GPAA1: variants seen among roughly 807,000 people sequenced by gnomAD.
GPAA1 encodes glycosylphosphatidylinositol anchor attachment 1.
Under a neutral mutation model 64.0 loss-of-function variants are expected in GPAA1, and 54 were observed. The ratio of observed to expected loss-of-function variants is 0.84; its 90% CI spans 0.68 to 1.06. The LOEUF (loss-of-function observed/expected upper bound fraction) is 1.06. Among genes scored for constraint, GPAA1 ranks in the 50% least tolerant of loss-of-function variants. The pLI, the probability that GPAA1 is intolerant of heterozygous loss-of-function variation, is 0.00. For missense variants in GPAA1, 780 were observed against 822.3 expected (o/e 0.95, Z 0.63); for synonymous variants, 393 against 377.3 (o/e 1.04, Z -0.48).
intron 3 of GPAA1, 28 bp downstream of exon 3, chr8:144,083,528 C>T (rs782480282): frequency 9.0e-6 from 14 of 1,557,612 alleles, no homozygotes; most frequent in Non-Finnish European, 1.2e-5. Context: ...TGTGCCTGGG[C>T]CCAGAAAGCA....
rs564194070 is a variant in GPAA1, at chr8:144,085,970, C to T, written c.1711C>T (p.Pro571Ser). 114 of 1,606,856 alleles carry T rather than the reference C, an allele frequency of 7.1e-5. 1 individual carries two copies. In the South Asian group the frequency reaches 1.2e-3, roughly 17 times the overall value. ...LFLWRELQEA[P>S]LSLAEGWQLF... ...CCTGTGGCGGGAGCTGCAGGAGGCGCCACTGTCACTGGCCGAGGGCTGGCA... is the reference window on the plus strand; with the variant it reads ...CCTGTGGCGGGAGCTGCAGGAGGCGTCACTGTCACTGGCCGAGGGCTGGCA... The change falls in exon 12 of 12, where the codon CCA becomes TCA. Residue 571 changes from proline (P) to serine (S), a missense_variant. Pro to Ser is a moderately conservative substitution (Grantham distance 74). Coordinates refer to ENST00000355091, the MANE Select transcript of GPAA1 (RefSeq NM_003801.4).
intron 10 of GPAA1, 46 bp downstream of exon 10, chr8:144,085,525 G>A (rs782402057): frequency 1.2e-6 from 2 of 1,605,798 alleles, no homozygotes; most frequent in Middle Eastern, 1.7e-4. Flanking sequence ...GAGGTCCCCT[G>A]GACATGCAGA....
chr8:144,083,808 C>T lies in GPAA1; in HGVS notation c.461C>T (p.Ser154Phe). 2 of 1,610,238 alleles carry T rather than the reference C, an allele frequency of 1.2e-6. No individual in the cohort carries two copies. Among genetic ancestry groups the T allele is most frequent in the Non-Finnish European group, 1.7e-6 (2 of 1,179,958 alleles). Residue 154 changes from serine to phenylalanine, a missense_variant, in exon 4 of 12, where the codon TCT (serine) becomes TTT (phenylalanine). Coordinates refer to ENST00000355091, the MANE Select transcript of GPAA1 (RefSeq NM_003801.4). The stretch of plus-strand genomic sequence containing the variant: ...CTCACCGTGCCCTGTGGCTCTGACT[C>T]TACCAACAGCCAGGCTGTGGGGCTG... Reference protein sequence around the residue: ...LVLTVPCGSDSTNSQAVGLLL... With the variant: ...LVLTVPCGSDFTNSQAVGLLL...
In GPAA1 at chr8:144,085,942, G is replaced by A. The variant is rs201447573; in HGVS notation, c.1683G>A (p.Leu561=). Residue 561 remains leucine, a synonymous_variant, in exon 12 of 12, where the codon CTG becomes CTA. Coordinates refer to ENST00000355091, the MANE Select transcript of GPAA1 (RefSeq NM_003801.4). The stretch of plus-strand genomic sequence containing the variant: ...CGGCAGCCACGCTCCTTGGCAGCCT[G>A]TTCCTGTGGCGGGAGCTGCAGGAGG... The part of the protein sequence containing the change: ...TSPAATLLGS[L]FLWRELQEAP... The A allele has an allele frequency of 1.2e-5, 20 of 1,610,204 alleles. No homozygotes were observed. In the South Asian group the frequency reaches 1.8e-4, roughly 14 times the overall value.
chr8:144,084,912 C>T, intron 8 of GPAA1, 37 bp downstream of exon 8: 1 of 1,608,812 alleles, frequency 6.2e-7, no homozygotes, highest in Non-Finnish European at 8.5e-7. Flanking sequence ...TGTGACCAGC[C>T]TCCAGTCTCC....
At position 144,085,945 on chromosome 8, in the gene GPAA1, C is replaced by G; in HGVS notation, c.1686C>G (p.Phe562Leu). The G allele has an allele frequency of 6.2e-7, 1 of 1,610,054 alleles. No homozygotes were observed. The highest frequency in any genetic ancestry group is 8.5e-7 in the Non-Finnish European group (1 of 1,179,924). The change falls in exon 12 of 12, where the codon TTC (phenylalanine) becomes TTG (leucine). Residue 562 changes from phenylalanine (F) to leucine (L), a missense_variant. Physicochemically the swap from Phe to Leu is conservative, Grantham distance 22. Transcript: ENST00000355091. ...CAGCCACGCTCCTTGGCAGCCTGTT[C>G]CTGTGGCGGGAGCTGCAGGAGGCGC... is the stretch of plus-strand genomic sequence containing the variant. ...SPAATLLGSLFLWRELQEAPL... is the reference protein window; with the variant it reads ...SPAATLLGSLLLWRELQEAPL...
intron 3 of GPAA1, 62 bp from the exon 4 acceptor site, chr8:144,083,652 G>A (rs1453287684): frequency 1.3e-6 from 2 of 1,520,990 alleles, no homozygotes; most frequent in Non-Finnish European, 9.0e-7. Context: ...AAGTTGTGGG[G>A]GGCCCTTCAG....
intron 4 of GPAA1, 33 bp from the exon 5 acceptor site, chr8:144,083,906 C>A (rs1554763931): frequency 1.2e-6 from 2 of 1,612,524 alleles, no homozygotes; most frequent in Non-Finnish European, 1.7e-6. Flanking sequence ...GGTCAGTGCC[C>A]CAGACCCTGC....
At position 144,083,488 on chromosome 8, in the gene GPAA1, C is replaced by T. The variant is rs1835942285; in HGVS notation, c.354C>T (p.Thr118=). 2 of 1,611,958 alleles carry T rather than the reference C, an allele frequency of 1.2e-6. No homozygotes were observed. The highest frequency in any genetic ancestry group is 1.7e-5 in the Admixed American group (1 of 60,034). The change falls in exon 3 of 12, where the codon ACC becomes ACT. Residue 118 remains threonine, a synonymous_variant. Transcript: ENST00000355091. ...GGAAACTGCCCTTCCCAGATGAGAC[C>T]CACGAGCGCTATGTACTGGGGGAGT... The part of the protein sequence containing the change: ...FSRKLPFPDE[T]HERYMVSGTN...
Position 144,084,323 on chromosome 8 carries a change from A to G in GPAA1, c.806A>G (p.Gln269Arg). 2 of 1,613,356 alleles carry G rather than the reference A, an allele frequency of 1.2e-6. No individual in the cohort carries two copies. Among genetic ancestry groups the G allele is most frequent in the African/African-American group, 2.7e-5 (2 of 75,044 alleles). The stretch of plus-strand genomic sequence containing the variant: ...AAAGGGGGCCTGTTGTGCACGCTTC[A>G]GGGCAAGGTGGGGCTGCCTGCCTGC... Reference protein sequence around the residue: ...CQKGGLLCTLQGKLQPEDWTS... With the variant: ...CQKGGLLCTLRGKLQPEDWTS... The change falls in exon 6 of 12, where the codon CAG becomes CGG. Residue 269 changes from glutamine to arginine, a missense_variant. By Grantham distance (43) the Gln-to-Arg change is conservative (BLOSUM62 1). Coordinates refer to ENST00000355091, the MANE Select transcript of GPAA1 (RefSeq NM_003801.4).
Position 144,085,101 on chromosome 8 carries a change from G to C in GPAA1, c.1223G>C (p.Gly408Ala). Residue 408 changes from glycine to alanine, a missense_variant, in exon 9 of 12, where the codon GGT becomes GCT. Physicochemically the swap from Gly to Ala is moderately conservative, Grantham distance 60 (BLOSUM62 0). Transcript: ENST00000355091. ...EAGMGLEEPG[G>A]APGPSVPLPP... ...GGAATGGGCCTTGAGGAGCCCGGGG[G>C]TGCCCCTGGCCCCAGTGTACCCCTT... is the stretch of plus-strand genomic sequence containing the variant. 7 of 1,607,344 alleles carry C rather than the reference G, an allele frequency of 4.4e-6. No individual in the cohort carries two copies. Among genetic ancestry groups the C allele is most frequent in the Non-Finnish European group, 6.0e-6 (7 of 1,176,092 alleles).
Position 144,083,120 on chromosome 8 carries a change from A to T in GPAA1, c.75-4A>T, listed in dbSNP as rs781982277. ...CTCCGGTGCCCCTCCGTCCTCTCTC[A>T]CAGCGTGCTGAGCTACGTGGCGGGC... On this transcript the variant is annotated splice_region_variant and splice_polypyrimidine_tract_variant and intron_variant, in intron 1 of 11. Coordinates refer to ENST00000355091, the MANE Select transcript of GPAA1 (RefSeq NM_003801.4). 4 of 1,610,894 alleles carry T rather than the reference A, an allele frequency of 2.5e-6. No homozygotes were observed. The African/African-American group carries it at 4.0e-5, about 16-fold the overall frequency.
chr8:144,085,322 C>G lies in GPAA1; in HGVS notation c.1294C>G (p.Leu432Val), dbSNP rs1835979089. Reference protein sequence around the residue: ...VGLASLVAPLLISQAMGLALY... With the variant: ...VGLASLVAPLVISQAMGLALY... Reference sequence around the variant, plus strand: ...GCTGGCCTCGCTCGTGGCACCTCTGCTGATCTCACAGGCCATGGGACTGGC... The same window carrying G: ...GCTGGCCTCGCTCGTGGCACCTCTGGTGATCTCACAGGCCATGGGACTGGC... The change falls in exon 10 of 12, where the codon CTG becomes GTG. Residue 432 changes from leucine (L) to valine (V), a missense_variant. By Grantham distance (32) the Leu-to-Val change is conservative (BLOSUM62 1). Coordinates refer to ENST00000355091, the MANE Select transcript of GPAA1 (RefSeq NM_003801.4). 6.2e-6 allele frequency: 10 copies of G among 1,609,480 alleles called. No individual in the cohort carries two copies. Among genetic ancestry groups the G allele is most frequent in the Non-Finnish European group, 8.5e-6 (10 of 1,178,762 alleles).
At position 144,083,954 on chromosome 8, in the gene GPAA1, C is replaced by T. The variant is rs782349903; in HGVS notation, c.530C>T (p.Ala177Val). The T allele has an allele frequency of 2.5e-6, 4 of 1,613,892 alleles. No homozygotes were observed. Among genetic ancestry groups the T allele is most frequent in the Non-Finnish European group, 3.4e-6 (4 of 1,179,914 alleles). ...AAHFRGQIYW[A>V]KDIVFLVTEH... The stretch of plus-strand genomic sequence containing the variant: ...TGGCCTCCAGGGCAGATTTATTGGG[C>T]CAAAGATATCGTCTTCCTGGTAACA... Residue 177 changes from alanine to valine, a missense_variant, in exon 5 of 12, where the codon GCC becomes GTC. Coordinates refer to ENST00000355091, the MANE Select transcript of GPAA1 (RefSeq NM_003801.4).
chr8:144,085,926 C>T lies in GPAA1; in HGVS notation c.1667C>T (p.Thr556Met), dbSNP rs375812008. 16 of 1,609,880 alleles carry T rather than the reference C, an allele frequency of 9.9e-6. No individual in the cohort carries two copies. Among genetic ancestry groups the T allele is most frequent in the Admixed American group, 5.0e-5 (3 of 59,996 alleles). ...ALLVLTSPAA[T>M]LLGSLFLWRE... ...CTGGTGCTGACCAGCCCGGCAGCCACGCTCCTTGGCAGCCTGTTCCTGTGG... is the reference window on the plus strand; with the variant it reads ...CTGGTGCTGACCAGCCCGGCAGCCATGCTCCTTGGCAGCCTGTTCCTGTGG... The change falls in exon 12 of 12, where the codon ACG becomes ATG. Residue 556 changes from threonine to methionine, a missense_variant. Thr to Met is a moderately conservative substitution (Grantham distance 81). Transcript: ENST00000355091.
rs1273598266 is a variant in GPAA1 at position 144,082,756 on chromosome 8, G to T, written c.26G>T (p.Arg9Leu). ...ATGGGCCTCCTGTCGGACCCGGTTC[G>T]CCGGCGCGCGCTCGCCCGCCTAGTG... MGLLSDPV[R>L]RRALARLVLR... is the part of the protein sequence containing the mutation. The change falls in exon 1 of 12, where the codon CGC (arginine) becomes CTC (leucine). Residue 9 changes from arginine (R) to leucine (L), a missense_variant. Transcript: ENST00000355091. The T allele has an allele frequency of 4.8e-6, 7 of 1,464,482 alleles. No individual in the cohort carries two copies. The highest frequency in any genetic ancestry group is 6.3e-6 in the Non-Finnish European group (7 of 1,114,214). 90.7% of individuals were successfully genotyped at this position (1,464,482 alleles called of 1,614,324 possible).
chr8:144,085,872 C>T lies in GPAA1; in HGVS notation c.1623-10C>T, dbSNP rs782717905. The T allele has an allele frequency of 5.6e-6, 9 of 1,602,368 alleles. No homozygotes were observed. The South Asian group carries it at 9.9e-5, about 18-fold the overall frequency. Reference sequence around the variant, plus strand: ...CATGGAGCCTACCTTGATGTTGCTTCTCCACCCAGGACCCTCTATGCTGCC... The same window carrying T: ...CATGGAGCCTACCTTGATGTTGCTTTTCCACCCAGGACCCTCTATGCTGCC... On this transcript the variant is annotated splice_polypyrimidine_tract_variant and intron_variant, in intron 11 of 11. Transcript: ENST00000355091.
rs1452741588 is a variant in GPAA1 at position 144,084,184 on chromosome 8, G to A, written c.667G>A (p.Val223Met). The A allele has an allele frequency of 1.7e-5, 27 of 1,613,494 alleles. No homozygotes were observed. The highest frequency in any genetic ancestry group is 1.8e-5 in the Non-Finnish European group (21 of 1,180,014). ...QGRAGAIQAA[V>M]ALELSSDVVT... ...CCGAGCTGGGGCCATTCAGGCAGCCGTGGCCCTGGAGCTGAGCAGTGATGT... is the reference window on the plus strand; with the variant it reads ...CCGAGCTGGGGCCATTCAGGCAGCCATGGCCCTGGAGCTGAGCAGTGATGT... Residue 223 changes from valine to methionine, a missense_variant, in exon 6 of 12, where the codon GTG becomes ATG. Transcript: ENST00000355091.
chr8:144,086,152 G>C lies in GPAA1; in HGVS notation c.*27G>C, dbSNP rs1484068807. ...ATCTGCCTGTCCGGGCTGGGACAGA[G>C]ACTCCCCAAGGACCCCATTCTGCCT... On this transcript the variant is annotated 3_prime_UTR_variant, in exon 12 of 12. Transcript: ENST00000355091. 3 of 1,602,220 alleles carry C rather than the reference G, an allele frequency of 1.9e-6. No homozygotes were observed. The highest frequency in any genetic ancestry group is 1.7e-6 in the Non-Finnish European group (2 of 1,172,806).
Sources: allele counts gnomAD v4.1 joint callset, GRCh38; gene constraint gnomAD v4.1.1; transcripts MANE v1.5; gene names NCBI Gene and HGNC (gene_info 2026-07-23, HGNC 2026-07-21).